The following TMEM95 variants were observed in gnomAD, a reference collection of about 807,000 sequenced individuals.
TMEM95 encodes transmembrane protein 95.
In TMEM95, 21 loss-of-function variants were observed where a neutral mutation model predicts 27.7. That is an observed-to-expected ratio of 0.76 (90% CI 0.54 to 1.09). TMEM95 has a LOEUF of 1.09. Among genes scored for constraint, TMEM95 ranks in the 50% least tolerant of loss-of-function variants. The pLI, the probability that TMEM95 is intolerant of heterozygous loss-of-function variation, is 0.00. For synonymous variants in TMEM95, 77 were observed against 85.7 expected (o/e 0.90, Z 0.56); for missense variants, 203 against 217.9 (o/e 0.93, Z 0.43).
In TMEM95 at chr17:7,355,765, G is replaced by A; in HGVS notation, c.227-73G>A. On this transcript the variant is annotated intron_variant, in intron 2 of 6. Coordinates refer to ENST00000576060, the MANE Select transcript of TMEM95 (RefSeq NM_001320436.2). This position sits in a 1 kb window ranked among gnomAD's most constrained non-coding sequence, Gnocchi z 4.9. ...TAGAGACAGGAGGGCTGATCAGGGA[G>A]GGGCTGCGTGAAGAGAGGGGGAACT... 6.8e-7 allele frequency: 1 copy of A among 1,475,012 alleles called. No individual in the cohort carries two copies. The highest frequency in any genetic ancestry group is 9.1e-7 in the Non-Finnish European group (1 of 1,096,888). The allele number at this position is 1,475,012 out of a possible 1,614,324, so 91.4% of individuals were successfully genotyped here.
intron 6 of TMEM95, 35 bp downstream of exon 6, chr17:7,356,514 G>C: frequency 6.2e-7 from 1 of 1,611,938 alleles, no homozygotes; most frequent in Non-Finnish European, 8.5e-7. Flanking sequence ...ATCCTACCCC[G>C]CCCAGTGCCT....
rs761347907 is a variant in TMEM95, at chr17:7,356,406, T to G, written c.424T>G (p.Trp142Gly). Residue 142 changes from tryptophan (W) to glycine (G), a missense_variant, in exon 6 of 7, where the codon TGG (tryptophan) becomes GGG (glycine). Transcript: ENST00000576060. ...KRCFPGSQDL[W>G]EAKILLLSIF... ...GTTCCCTGCAGGAAGTCAGGATCTT[T>G]GGGAAGCCAAGATTCTGCTCCTCTC... The G allele has an allele frequency of 3.1e-6, 5 of 1,614,072 alleles. No individual in the cohort carries two copies. In the South Asian group the frequency reaches 5.5e-5, roughly 18 times the overall value.
chr17:7,355,928 CG>C lies in TMEM95; in HGVS notation c.307+13del, dbSNP rs779933619. Reference sequence around the variant, plus strand: ...GAGTACACCAGGGAAGGTACCGATGCGGGATGGGCCTCAAGGGGAGCCTAGG... The same window carrying C: ...GAGTACACCAGGGAAGGTACCGATGCGGATGGGCCTCAAGGGGAGCCTAGG... On this transcript the variant is annotated intron_variant, in intron 3 of 6. Coordinates refer to ENST00000576060, the MANE Select transcript of TMEM95 (RefSeq NM_001320436.2). The surrounding 1 kb of genome is among the most constrained non-coding windows in gnomAD (Gnocchi z 4.9). 1 of 1,613,756 alleles carries C rather than the reference CG, an allele frequency of 6.2e-7. No homozygotes were observed. The highest frequency in any genetic ancestry group is 2.2e-5 in the East Asian group (1 of 44,842).
rs2073511859 is a variant in TMEM95, at chr17:7,356,594, C to G, written c.498-5C>G. ...CGTAGGCTTCCCACCCTCGTCTTCC[C>G]TCAGGTCCCACCACCTCCAAGCAAA... On this transcript the variant is annotated splice_polypyrimidine_tract_variant and splice_region_variant and intron_variant, in intron 6 of 6. Coordinates refer to ENST00000576060, the MANE Select transcript of TMEM95 (RefSeq NM_001320436.2). 1.2e-6 allele frequency: 2 copies of G among 1,611,332 alleles called. No individual in the cohort carries two copies. The highest frequency in any genetic ancestry group is 1.7e-6 in the Non-Finnish European group (2 of 1,178,620).
At chr17:7,356,005 C>T in intron 3 of TMEM95, 24 bp from the exon 4 acceptor site, 3 of 1,613,902 alleles carry the variant, frequency 1.9e-6, no homozygotes, top group Non-Finnish European at 2.5e-6. Flanking sequence ...CACACCCCCA[C>T]CCCTTCCTTG....
rs772319976 is a variant in TMEM95 at position 7,355,190 on chromosome 17, C to T, written c.-15C>T. 2 of 1,609,900 alleles carry T rather than the reference C, an allele frequency of 1.2e-6. No homozygotes were observed. The highest frequency in any genetic ancestry group is 1.7e-6 in the Non-Finnish European group (2 of 1,178,702). On this transcript the variant is annotated 5_prime_UTR_variant, in exon 1 of 7. Coordinates refer to ENST00000576060, the MANE Select transcript of TMEM95 (RefSeq NM_001320436.2). This position sits in a 1 kb window ranked among gnomAD's most constrained non-coding sequence, Gnocchi z 4.9. ...CTCAGCTGGGGCAGCGCCGCCCCAT[C>T]CCCCAGTGGTCCTCATGTGGAGGCT...
In TMEM95 at chr17:7,355,261, C is replaced by T. The variant is rs1343402066; in HGVS notation, c.57C>T (p.Phe19=). The change falls in exon 1 of 7, where the codon TTC becomes TTT. Residue 19 remains phenylalanine, a synonymous_variant. Transcript: ENST00000576060. The surrounding 1 kb of genome is among the most constrained non-coding windows in gnomAD (Gnocchi z 4.9). The part of the protein sequence containing the change: ...VFLAAAQACV[F]CRLPAHDLSG... Reference sequence around the variant, plus strand: ...TGGCAGCCGCCCAGGCTTGTGTCTTCTGTCGCCTCCCAGCCCACGACTTGT... The same window carrying T: ...TGGCAGCCGCCCAGGCTTGTGTCTTTTGTCGCCTCCCAGCCCACGACTTGT... 1 of 1,613,952 alleles carries T rather than the reference C, an allele frequency of 6.2e-7. No homozygotes were observed. Among genetic ancestry groups the T allele is most frequent in the Non-Finnish European group, 8.5e-7 (1 of 1,179,932 alleles).
Position 7,355,282 on chromosome 17 carries a change from C to T in TMEM95, c.78C>T (p.Asp26=). 6.2e-7 allele frequency: 1 copy of T among 1,614,080 alleles called. No individual in the cohort carries two copies. The change falls in exon 1 of 7, where the codon GAC becomes GAT. Residue 26 remains aspartate (D), a synonymous_variant. Coordinates refer to ENST00000576060, the MANE Select transcript of TMEM95 (RefSeq NM_001320436.2). This position sits in a 1 kb window ranked among gnomAD's most constrained non-coding sequence, Gnocchi z 4.9. The part of the protein sequence containing the change: ...ACVFCRLPAH[D]LSGRLARLCS... ...TCTTCTGTCGCCTCCCAGCCCACGA[C>T]TTGTCAGGCCGCCTGGCTCGGCTCT...
In TMEM95 at chr17:7,355,468, G is replaced by A. The variant is rs2073475592; in HGVS notation, c.169+95G>A. The A allele has an allele frequency of 1.3e-6, 2 of 1,542,092 alleles. No individual in the cohort carries two copies. Among genetic ancestry groups the A allele is most frequent in the Middle Eastern group, 1.7e-4 (1 of 5,856 alleles). On this transcript the variant is annotated intron_variant, in intron 1 of 6. Coordinates refer to ENST00000576060, the MANE Select transcript of TMEM95 (RefSeq NM_001320436.2). This position sits in a 1 kb window ranked among gnomAD's most constrained non-coding sequence, Gnocchi z 4.9. ...CCTTCCAGCTGTGCCCTCCATCTGT[G>A]GCCCTTTCTGGACATGCTGGCCTTT... is the stretch of plus-strand genomic sequence containing the variant.
rs572794031 is a variant in TMEM95, at chr17:7,356,181, T to C, written c.329-15T>C. 140 of 1,576,764 alleles carry C rather than the reference T, an allele frequency of 8.9e-5. No individual in the cohort carries two copies. In the South Asian group the frequency reaches 1.5e-3, roughly 17 times the overall value. On this transcript the variant is annotated splice_polypyrimidine_tract_variant and intron_variant, in intron 4 of 6. Coordinates refer to ENST00000576060, the MANE Select transcript of TMEM95 (RefSeq NM_001320436.2). ...GGCCTCCCCTCCCCAGCGTTGCCTC[T>C]GCTGTCTCCTGCAGGGGGCAGCACC...
Position 7,356,067 on chromosome 17 carries a change from G to A in TMEM95, c.328+18G>A. On this transcript the variant is annotated intron_variant, in intron 4 of 6. Transcript: ENST00000576060. The stretch of plus-strand genomic sequence containing the variant: ...CGCCTGCCGTGAGTAGGAAAGGAAA[G>A]GGGTAGCAAGGACCTGGGGCCTGCA... 6.2e-7 allele frequency: 1 copy of A among 1,614,052 alleles called. No individual in the cohort carries two copies. The highest frequency in any genetic ancestry group is 8.5e-7 in the Non-Finnish European group (1 of 1,179,954).
In TMEM95 at chr17:7,356,764, T is replaced by A. The variant is rs771583938; in HGVS notation, c.*132T>A. On this transcript the variant is annotated 3_prime_UTR_variant, in exon 7 of 7. Coordinates refer to ENST00000576060, the MANE Select transcript of TMEM95 (RefSeq NM_001320436.2). ...GTCTCCAGACCCTAAAACCCAGACA[T>A]CCCTGCTTCTGGTTGGTGAGATAAT... 3.2e-6 allele frequency: 3 copies of A among 933,362 alleles called. No individual in the cohort carries two copies. The African/African-American group carries it at 5.1e-5, about 16-fold the overall frequency. The allele number at this position is 933,362 out of a possible 1,614,324, so 57.8% of individuals were successfully genotyped here.
chr17:7,356,153 C>A, intron 4 of TMEM95, 43 bp from the exon 5 acceptor site: 1 of 1,591,174 alleles, frequency 6.3e-7, no homozygotes, highest in Non-Finnish European at 8.6e-7. Context: ...AGGGTGGAGG[C>A]CCGGCCTCCC....
At chr17:7,356,553 C>A in intron 6 of TMEM95, 46 bp from the exon 7 acceptor site, 1 of 1,611,972 alleles carries the variant, frequency 6.2e-7, no homozygotes, top group Non-Finnish European at 8.5e-7. Context: ...TCCCTCTGTC[C>A]CTCCCAGGCC....
Position 7,355,658 on chromosome 17 carries a change from A to T in TMEM95, c.226+16A>T. On this transcript the variant is annotated intron_variant, in intron 2 of 6. Coordinates refer to ENST00000576060, the MANE Select transcript of TMEM95 (RefSeq NM_001320436.2). This position sits in a 1 kb window ranked among gnomAD's most constrained non-coding sequence, Gnocchi z 4.9. ...AGGGTCATGGGTGAGGTCAAGGGGA[A>T]AGAGTGACCTAGGGGCTTGGGAGGA... 1 of 1,563,774 alleles carries T rather than the reference A, an allele frequency of 6.4e-7. No homozygotes were observed.
chr17:7,355,742 G>A lies in TMEM95; in HGVS notation c.227-96G>A, dbSNP rs2073482397. ...GTGGGCAGGGAAGGGTGGAGGGGTA[G>A]AGACAGGAGGGCTGATCAGGGAGGG... On this transcript the variant is annotated intron_variant, in intron 2 of 6. Coordinates refer to ENST00000576060, the MANE Select transcript of TMEM95 (RefSeq NM_001320436.2). The surrounding 1 kb of genome is among the most constrained non-coding windows in gnomAD (Gnocchi z 4.9). 2 of 1,495,692 alleles carry A rather than the reference G, an allele frequency of 1.3e-6. No individual in the cohort carries two copies. The highest frequency in any genetic ancestry group is 4.5e-5 in the East Asian group (2 of 44,038). The allele number at this position is 1,495,692 out of a possible 1,614,324, so 92.7% of individuals were successfully genotyped here.
chr17:7,356,625 G>C lies in TMEM95; in HGVS notation c.524G>C (p.Gly175Ala), dbSNP rs151338944. The C allele has an allele frequency of 1.5e-4, 237 of 1,612,002 alleles. 3 individuals carry two copies. The South Asian group carries it at 1.8e-3, about 12-fold the overall frequency. ...VESHHLQAKS[G>A]L ...TCCCACCACCTCCAAGCAAAAAGTG[G>C]CTTGTGAAGACGCTGAAAACCTCCC... Residue 175 changes from glycine to alanine, a missense_variant, in exon 7 of 7, where the codon GGC becomes GCC. By Grantham distance (60) the Gly-to-Ala change is moderately conservative. Transcript: ENST00000576060.
At position 7,355,797 on chromosome 17, in the gene TMEM95, G is replaced by T. The variant is rs1390861233; in HGVS notation, c.227-41G>T. ...CGTGAAGAGAGGGGGAACTGGCCCC[G>T]TCGAGGCCCAGGGAAACGGAGCTGC... On this transcript the variant is annotated intron_variant, in intron 2 of 6. Coordinates refer to ENST00000576060, the MANE Select transcript of TMEM95 (RefSeq NM_001320436.2). The surrounding 1 kb of genome is among the most constrained non-coding windows in gnomAD (Gnocchi z 4.9). 1 of 1,604,608 alleles carries T rather than the reference G, an allele frequency of 6.2e-7. No individual in the cohort carries two copies. The highest frequency in any genetic ancestry group is 2.2e-5 in the East Asian group (1 of 44,814).
chr17:7,356,197 G>T lies in TMEM95; in HGVS notation c.330G>T (p.Arg110=). Residue 110 remains arginine, a splice_region_variant and synonymous_variant, in exon 5 of 7, where the codon CGG becomes CGT. Coordinates refer to ENST00000576060, the MANE Select transcript of TMEM95 (RefSeq NM_001320436.2). ...CGTTGCCTCTGCTGTCTCCTGCAGG[G>T]GGCAGCACCACGCTGTACAACTGCT... The part of the protein sequence containing the change: ...TREALCPPAC[R]GSTTLYNCST... The T allele has an allele frequency of 6.4e-7, 1 of 1,571,396 alleles. No homozygotes were observed. Among genetic ancestry groups the T allele is most frequent in the Non-Finnish European group, 8.6e-7 (1 of 1,157,528 alleles).
Sources: allele counts gnomAD v4.1 joint callset, GRCh38; gene constraint gnomAD v4.1.1; non-coding constraint Gnocchi (gnomAD v3.1); transcripts MANE v1.5; gene names NCBI Gene and HGNC (gene_info 2026-07-23, HGNC 2026-07-21).